Variants in GLB1L3 observed in about 807,000 individuals in gnomAD.
GLB1L3 encodes beta-galactosidase-1-like protein 3.
In GLB1L3, 89 loss-of-function variants were observed where a neutral mutation model predicts 89.5. The ratio of observed to expected loss-of-function variants is 0.99; its 90% CI spans 0.84 to 1.19. The LOEUF (loss-of-function observed/expected upper bound fraction) is 1.19. Ranked by LOEUF, GLB1L3 falls within the 50% of genes most tolerant of loss-of-function variation. GLB1L3 has a pLI of 0.00. For synonymous variants in GLB1L3, 314 were observed against 312.3 expected (o/e 1.01, Z -0.06); for missense variants, 812 against 813.3 (o/e 1.00, Z 0.02).
At chr11:134,287,302 CTT>C (rs1366870920) in intron 6 of GLB1L3, 6 of 152,230 alleles carry the variant, frequency 3.9e-5, no homozygotes, top group Admixed American at 2.0e-4. Flanking sequence ...TGCTAGGAAA[CTT>C]TTAAGAAGCA....
chr11:134,276,009 C>T (rs541378639), upstream of GLB1L3: 1 of 152,624 alleles, frequency 6.6e-6, no homozygotes, highest in East Asian at 1.9e-4. Context: ...GAATAGTCCC[C>T]ACTGTCTTCT....
At position 134,292,233 on chromosome 11, in the gene GLB1L3, T is replaced by A; in HGVS notation, c.811+20T>A. ...AAGGAGGTACACATTTAGAGTTAGT[T>A]CACAGGAGAACAGGGCTCTCAGCCA... On this transcript the variant is annotated intron_variant, in intron 8 of 19. Coordinates refer to ENST00000431683, the MANE Select transcript of GLB1L3 (RefSeq NM_001080407.3). 1 of 1,585,786 alleles carries A rather than the reference T, an allele frequency of 6.3e-7. No homozygotes were observed. The highest frequency in any genetic ancestry group is 8.7e-7 in the Non-Finnish European group (1 of 1,155,702).
chr11:134,296,881 AAAG>A (rs1386019335), intron 9 of GLB1L3, among the ~76,000 whole-genome samples: 1 of 148,462 alleles, frequency 6.7e-6, no homozygotes, highest in Admixed American at 6.8e-5. Flanking sequence ...ACAAACAAAA[AAAG>A]AAAATAATGT....
chr11:134,303,719 A>G (rs1484355258), intron 9 of GLB1L3, among the ~76,000 whole-genome samples: 2 of 152,190 alleles, frequency 1.3e-5, no homozygotes, highest in South Asian at 2.1e-4. Context: ...TATACAATCA[A>G]TATTCCTTCA....
At chr11:134,298,548 C>G (rs1484926991) in intron 9 of GLB1L3, among the ~76,000 whole-genome samples, 1 of 152,022 alleles carries the variant, frequency 6.6e-6, no homozygotes, top group Non-Finnish European at 1.5e-5. Context: ...TGGGACAGAC[C>G]CGGTGGGAAG....
intron 7 of GLB1L3, 39 bp downstream of exon 7, chr11:134,288,929 C>T (rs1304298713): frequency 7.4e-7 from 1 of 1,350,510 alleles, no homozygotes; most frequent in African/African-American, 1.4e-5. Context: ...TTACATGCCT[C>T]CTTCCTCCTC....
chr11:134,282,199 A>T (rs1426884050), intron 5 of GLB1L3, 79 bp downstream of exon 5: 10 of 1,438,748 alleles, frequency 7.0e-6, no homozygotes, highest in Non-Finnish European at 8.4e-6. Flanking sequence ...AGCTAGTAAC[A>T]AGGAAAGTAA....
intron 10 of GLB1L3, among the ~76,000 whole-genome samples, chr11:134,307,824 C>G (rs1333869801): frequency 6.6e-6 from 1 of 152,160 alleles, no homozygotes; most frequent in African/African-American, 2.4e-5. Flanking sequence ...ATAAAACCAA[C>G]CTCATGAGGC....
At chr11:134,310,676 G>A (rs1200136278) in intron 12 of GLB1L3, 25 bp downstream of exon 12, 12 of 1,551,322 alleles carry the variant, frequency 7.7e-6, no homozygotes, top group East Asian at 2.2e-5. Flanking sequence ...TTTAACTTAC[G>A]GGCCAGCCCT....
intron 10 of GLB1L3, among the ~76,000 whole-genome samples, chr11:134,308,871 A>G (rs1056873671): frequency 3.3e-5 from 5 of 152,226 alleles, no homozygotes; most frequent in African/African-American, 7.2e-5. Flanking sequence ...AGGTCATACA[A>G]ATAGTAACGA....
downstream of GLB1L3, among the ~76,000 whole-genome samples, chr11:134,322,018 C>T (rs565107576): frequency 8.8e-4 from 134 of 152,020 alleles, 1 homozygote; most frequent in South Asian, 4.8e-3. Context: ...AAACTCTAAA[C>T]GGTAAAAATT....
At chr11:134,305,234 A>C (rs1237260921) in intron 9 of GLB1L3, 2 of 789,260 alleles carry the variant, frequency 2.5e-6, no homozygotes, top group Non-Finnish European at 4.4e-6. Flanking sequence ...TGATGCACTG[A>C]ATTATGTAAA....
chr11:134,312,043 T>G, intron 13 of GLB1L3: 1 of 246,180 alleles, frequency 4.1e-6, no homozygotes, highest in Non-Finnish European at 7.7e-6. Context: ...GTGATGCACC[T>G]GCTGCGGCCT....
chr11:134,305,179 A>G, intron 9 of GLB1L3: 1 of 1,189,322 alleles, frequency 8.4e-7, no homozygotes, highest in Non-Finnish European at 1.2e-6. Context: ...TCCTCCTTAT[A>G]GTTCTTATCT....
At chr11:134,301,167 C>T (rs1941931169) in intron 9 of GLB1L3, among the ~76,000 whole-genome samples, 1 of 152,184 alleles carries the variant, frequency 6.6e-6, no homozygotes, top group African/African-American at 2.4e-5. Context: ...CCAGCTTCTT[C>T]CTGCAGGCAT....
intron 9 of GLB1L3, among the ~76,000 whole-genome samples, chr11:134,293,787 C>T (rs1941487047): frequency 6.6e-6 from 1 of 152,238 alleles, no homozygotes; most frequent in Admixed American, 6.5e-5. Context: ...AGAGTGCGTG[C>T]TTCAAGACCA....
At position 134,277,912 on chromosome 11, in the gene GLB1L3, C is replaced by T. The variant is rs762718414; in HGVS notation, c.362C>T (p.Thr121Ile). ...GCCTGTGGCTTCAATACTGTCACCACGTGAGTGCCGGCCCCTCACCTCCAG... is the reference window on the plus strand; with the variant it reads ...GCCTGTGGCTTCAATACTGTCACCATGTGAGTGCCGGCCCCTCACCTCCAG... ...LKACGFNTVT[T>I]YVPWNLHEPE... The change falls in exon 3 of 20, where the codon ACC (threonine) becomes ATC (isoleucine). Residue 121 changes from threonine (T) to isoleucine (I), a missense_variant and splice_region_variant. Coordinates refer to ENST00000431683, the MANE Select transcript of GLB1L3 (RefSeq NM_001080407.3). 6 of 1,613,476 alleles carry T rather than the reference C, an allele frequency of 3.7e-6. No homozygotes were observed. The Admixed American group carries it at 5.0e-5, about 13-fold the overall frequency.
chr11:134,312,314 C>T (rs563827185), intron 13 of GLB1L3, 35 bp from the exon 14 acceptor site: 1 of 1,608,760 alleles, frequency 6.2e-7, no homozygotes, highest in Non-Finnish European at 8.5e-7. Context: ...ACTGCTCAGC[C>T]CTTGGACTTC....
chr11:134,313,854 A>G, intron 16 of GLB1L3, 87 bp from the exon 17 acceptor site: 1 of 842,502 alleles, frequency 1.2e-6, no homozygotes, highest in Non-Finnish European at 2.0e-6. Flanking sequence ...TAAGGCATGT[A>G]CAAGTCTGCA....
Sources: allele counts gnomAD v4.1 joint callset (sites outside exome capture counted in the v4.1 genomes callset), GRCh38; gene constraint gnomAD v4.1.1; transcripts MANE v1.5; gene names NCBI Gene and HGNC (gene_info 2026-07-23, HGNC 2026-07-21).